The following CDC42SE2 variants were observed in gnomAD, a reference collection of about 807,000 sequenced individuals.
The protein encoded by CDC42SE2 is CDC42 small effector protein 2.
A neutral mutation model predicts 11.5 loss-of-function variants in CDC42SE2; 3 were observed. That is an observed-to-expected ratio of 0.26 (90% CI 0.12 to 0.67). The LOEUF is 0.67. Ranked by LOEUF, CDC42SE2 falls within the 30% of genes least tolerant of loss-of-function variation. The pLI, the probability that CDC42SE2 is intolerant of heterozygous loss-of-function variation, is 0.80. For missense variants in CDC42SE2, 82 were observed against 106.8 expected, an observed-to-expected ratio of 0.77 and a Z score of 1.02; for synonymous variants, 33 against 34.8, an observed-to-expected ratio of 0.95 and a Z score of 0.18.
Position 131,393,815 on chromosome 5 carries a change from CTG to C in CDC42SE2, c.*2726_*2727del, listed in dbSNP as rs1486244499. On this transcript the variant is annotated 3_prime_UTR_variant, in exon 5 of 5. Transcript: ENST00000505065. The stretch of plus-strand genomic sequence containing the variant: ...ATGATTTTAGTCTTTTTCCAAATCG[CTG>C]TTTTTTTTTTTTTTTTTTTTTTTTT... The C allele has an allele frequency of 1.4e-5, 2 of 142,612 alleles. No homozygotes were observed. The highest frequency in any genetic ancestry group is 5.4e-5 in the African/African-American group (2 of 37,068). 8.8% of individuals were successfully genotyped at this position (142,612 alleles called of 1,614,324 possible). A position where few individuals can be genotyped will look rare whatever the true frequency, so the allele number is the denominator to read the frequency against.
chr5:131,350,992 C>G (rs1758994642), intron 2 of CDC42SE2, among the ~76,000 whole-genome samples: 1 of 152,084 alleles, frequency 6.6e-6, no homozygotes, highest in Non-Finnish European at 1.5e-5. Context: ...GTCGCTCAGG[C>G]TGGAGTACAG....
intron 1 of CDC42SE2, among the ~76,000 whole-genome samples, chr5:131,269,879 G>A (rs181122007): frequency 7.3e-5 from 11 of 150,622 alleles, no homozygotes; most frequent in African/African-American, 2.7e-4. Flanking sequence ...TGGCCAACAT[G>A]GTGAAACCCC....
intron 1 of CDC42SE2, among the ~76,000 whole-genome samples, chr5:131,282,739 C>T (rs1323797590): frequency 6.6e-6 from 1 of 151,962 alleles, no homozygotes; most frequent in Non-Finnish European, 1.5e-5. Context: ...TGCCATTCTC[C>T]TGCCTCAGCC....
chr5:131,296,516 G>T (rs1029410428), intron 1 of CDC42SE2, among the ~76,000 whole-genome samples: 13 of 152,118 alleles, frequency 8.5e-5, no homozygotes, highest in African/African-American at 3.1e-4. Context: ...GCTGGCAGTC[G>T]TTGGCTTGCA....
At chr5:131,343,524 C>G (rs1369965788) in intron 2 of CDC42SE2, among the ~76,000 whole-genome samples, 1 of 152,048 alleles carries the variant, frequency 6.6e-6, no homozygotes, top group Non-Finnish European at 1.5e-5. Flanking sequence ...ACCAGCCTGA[C>G]CAACATGGAG....
chr5:131,320,060 A>G (rs1200250934), intron 2 of CDC42SE2, among the ~76,000 whole-genome samples: 4 of 126,108 alleles, frequency 3.2e-5, no homozygotes, highest in Non-Finnish European at 4.8e-5. Flanking sequence ...TAAAGAAAAA[A>G]AAAAAAAAAA....
chr5:131,380,032 T>C (rs984603609), intron 3 of CDC42SE2, among the ~76,000 whole-genome samples: 1 of 151,492 alleles, frequency 6.6e-6, no homozygotes, highest in African/African-American at 2.4e-5. Context: ...GTTCAAGTGA[T>C]TCTTCTGCCT....
the CDC42SE2 span, among the ~76,000 whole-genome samples, chr5:131,229,269 C>T: frequency 6.6e-6 from 1 of 152,086 alleles, no homozygotes; most frequent in South Asian, 2.1e-4. Context: ...CCCACCCCAG[C>T]CTCCCAAAGT....
chr5:131,369,784 C>T, intron 3 of CDC42SE2, among the ~76,000 whole-genome samples: 1 of 152,196 alleles, frequency 6.6e-6, no homozygotes, highest in Admixed American at 6.5e-5. Context: ...CCTTTGTCAT[C>T]AGCATATTCC....
At chr5:131,379,251 T>C (rs1750249377) in intron 3 of CDC42SE2, among the ~76,000 whole-genome samples, 1 of 152,160 alleles carries the variant, frequency 6.6e-6, no homozygotes, top group Admixed American at 6.5e-5. Context: ...TGTATCTGCT[T>C]CTAGAACTAC....
intron 1 of CDC42SE2, among the ~76,000 whole-genome samples, chr5:131,292,162 C>T (rs1289621560): frequency 1.4e-5 from 2 of 143,386 alleles, no homozygotes; most frequent in African/African-American, 5.2e-5. Context: ...TCGCTTGAGC[C>T]TGGGAGGCGG....
intron 1 of CDC42SE2, among the ~76,000 whole-genome samples, chr5:131,297,645 G>A (rs184916562): frequency 2.6e-5 from 4 of 152,128 alleles, no homozygotes; most frequent in African/African-American, 9.6e-5. Flanking sequence ...GCGTGAACCC[G>A]GGAGGCGGAG....
At chr5:131,262,627 G>A (rs143144471), upstream of CDC42SE2, among the ~76,000 whole-genome samples, 14 of 151,988 alleles carry the variant, frequency 9.2e-5, no homozygotes, top group African/African-American at 3.4e-4. Flanking sequence ...CTAGGACCAC[G>A]ACCAGTACCA....
In CDC42SE2 at chr5:131,363,628, C is replaced by T. The variant is rs535171013; in HGVS notation, c.54+4081C>T. On this transcript the variant is annotated intron_variant, in intron 3 of 4. Transcript: ENST00000505065. ...CTGACCTCAAGTGATCCACCCTCCT[C>T]GACCTCCCAAAGTGCTGGGATTATA... Among the ~76,000 whole-genome samples the T allele has an allele frequency of 2.1e-4, 32 of 151,668 alleles. No individual in the cohort carries two copies. The South Asian group carries it at 6.5e-3, about 31-fold the overall frequency.
chr5:131,333,374 G>A (rs1758470127), intron 2 of CDC42SE2, among the ~76,000 whole-genome samples: 1 of 152,168 alleles, frequency 6.6e-6, no homozygotes, highest in Admixed American at 6.5e-5. Flanking sequence ...CTGTAGCCTT[G>A]TAGTATAGTT....
chr5:131,375,551 A>G (rs774903127), intron 3 of CDC42SE2, among the ~76,000 whole-genome samples: 1 of 152,314 alleles, frequency 6.6e-6, no homozygotes, highest in Non-Finnish European at 1.5e-5. Context: ...AGCTCCTTAT[A>G]TAAGCTCTGT....
At chr5:131,367,566 C>A (rs767702227) in intron 3 of CDC42SE2, among the ~76,000 whole-genome samples, 9 of 152,058 alleles carry the variant, frequency 5.9e-5, no homozygotes, top group Non-Finnish European at 1.2e-4. Flanking sequence ...TGGTATTGTT[C>A]TTTTCCGATT....
intron 2 of CDC42SE2, among the ~76,000 whole-genome samples, chr5:131,320,777 CATTAT>C (rs1234111727): frequency 6.6e-6 from 1 of 152,074 alleles, no homozygotes; most frequent in African/African-American, 2.4e-5. Context: ...GCAATTAATA[CATTAT>C]AATTCTGGTA....
intron 2 of CDC42SE2, among the ~76,000 whole-genome samples, chr5:131,350,669 G>A (rs560606255): frequency 9.8e-4 from 148 of 150,622 alleles, no homozygotes; most frequent in African/African-American, 3.2e-3. Flanking sequence ...TTTGACTTAC[G>A]TATAAATATA....
Sources: allele counts gnomAD v4.1 joint callset (sites outside exome capture counted in the v4.1 genomes callset), GRCh38; gene constraint gnomAD v4.1.1; transcripts MANE v1.5; gene names NCBI Gene and HGNC (gene_info 2026-07-23, HGNC 2026-07-21).